The following MPDZ variants were observed in gnomAD, a reference collection of about 807,000 sequenced individuals.
MPDZ encodes the protein multiple PDZ domain protein.
Under a neutral mutation model 239.1 loss-of-function variants are expected in MPDZ, and 234 were observed. The ratio of observed to expected loss-of-function variants is 0.98; its 90% CI spans 0.88 to 1.09. MPDZ has a LOEUF of 1.09. Among genes scored for constraint, MPDZ ranks in the 50% least tolerant of loss-of-function variants. The pLI is 0.00. For missense variants in MPDZ, 3,175 were observed against 2,510.0 expected, an observed-to-expected ratio of 1.26 and a Z score of -5.66; for synonymous variants, 1,048 against 881.3, an observed-to-expected ratio of 1.19 and a Z score of -3.35.
At chr9:13,129,456 C>A (rs1316930397) in intron 32 of MPDZ, among the ~76,000 whole-genome samples, 1 of 150,920 alleles carries the variant, frequency 6.6e-6, no homozygotes, top group East Asian at 1.9e-4. Flanking sequence ...GAGTGAGACT[C>A]AGTCTCAAAA....
intron 16 of MPDZ, 130 bp from the exon 17 acceptor site, chr9:13,189,123 T>C: frequency 1.3e-6 from 1 of 744,670 alleles, no homozygotes; most frequent in East Asian, 2.7e-5. Flanking sequence ...CCAAAAAAAA[T>C]CCATACAAAA....
chr9:13,156,485 A>C (rs1949831325), intron 24 of MPDZ, among the ~76,000 whole-genome samples: 1 of 152,204 alleles, frequency 6.6e-6, no homozygotes, highest in African/African-American at 2.4e-5. Flanking sequence ...CAGCAGGCAA[A>C]TAAAAGAGCT....
Position 13,174,278 on chromosome 9 carries a change from T to G in MPDZ, c.3055+1474A>C, listed in dbSNP as rs1437666793. On this transcript the variant is annotated intron_variant, in intron 21 of 46. Transcript: ENST00000319217. The stretch of plus-strand genomic sequence containing the variant: ...TTTAATGCCTTTAGGATTTTAAATG[T>G]CAATTAGCTTACTCTCTTAAACTTG... Among the ~76,000 whole-genome samples the G allele has an allele frequency of 2.0e-5, 3 of 152,164 alleles. No homozygotes were observed. In the East Asian group the frequency reaches 5.8e-4, roughly 29 times the overall value.
At chr9:13,256,612 G>C (rs879403764) in intron 1 of MPDZ, among the ~76,000 whole-genome samples, 1 of 152,170 alleles carries the variant, frequency 6.6e-6, no homozygotes, top group Non-Finnish European at 1.5e-5. Context: ...AAAAGAATGC[G>C]AACGGCCCGT....
chr9:13,123,992 A>T (rs1361755825), intron 35 of MPDZ, among the ~76,000 whole-genome samples: 3 of 152,230 alleles, frequency 2.0e-5, no homozygotes, highest in Non-Finnish European at 4.4e-5. Context: ...AATTTCACAC[A>T]TTATTTTATC....
intron 21 of MPDZ, among the ~76,000 whole-genome samples, chr9:13,171,048 C>T (rs896761329): frequency 1.3e-5 from 2 of 152,118 alleles, no homozygotes; most frequent in Non-Finnish European, 2.9e-5. Context: ...TTCCAATCAG[C>T]ACAAGCTTGC....
intron 10 of MPDZ, among the ~76,000 whole-genome samples, chr9:13,206,635 C>T (rs1422459848): frequency 6.6e-6 from 1 of 151,878 alleles, no homozygotes; most frequent in Non-Finnish European, 1.5e-5. Flanking sequence ...CCTCCACCTC[C>T]CAGGTGCAAG....
At chr9:13,217,921 C>A (rs989690800) in intron 8 of MPDZ, among the ~76,000 whole-genome samples, 31 of 151,746 alleles carry the variant, frequency 2.0e-4, no homozygotes, top group African/African-American at 6.8e-4. Flanking sequence ...AGAGTTGTTA[C>A]AAATTCTATG....
chr9:13,230,532 C>T (rs185336344), intron 3 of MPDZ, among the ~76,000 whole-genome samples: 1 of 152,186 alleles, frequency 6.6e-6, no homozygotes, highest in East Asian at 1.9e-4. Flanking sequence ...AGGTCACATA[C>T]ATTATGATTT....
At chr9:13,141,096 C>T (rs940813377) in intron 27 of MPDZ, among the ~76,000 whole-genome samples, 9 of 100,208 alleles carry the variant, frequency 9.0e-5, no homozygotes, top group Middle Eastern at 4.9e-3. Flanking sequence ...GGTCCTATTT[C>T]GAAAAAAAAA....
intron 12 of MPDZ, among the ~76,000 whole-genome samples, chr9:13,197,844 G>A (rs1265604828): frequency 4.0e-5 from 6 of 151,896 alleles, no homozygotes; most frequent in South Asian, 2.1e-4. Context: ...GAGATCATGC[G>A]GTATGTGTCT....
intron 1 of MPDZ, among the ~76,000 whole-genome samples, chr9:13,269,290 T>C (rs913639349): frequency 6.6e-6 from 1 of 152,186 alleles, no homozygotes; most frequent in Non-Finnish European, 1.5e-5. Flanking sequence ...TATGGTTATA[T>C]TCCTTTTGGA....
intron 39 of MPDZ, among the ~76,000 whole-genome samples, chr9:13,116,546 G>C (rs1212424048): frequency 1.3e-5 from 2 of 151,960 alleles, no homozygotes; most frequent in South Asian, 2.1e-4. Context: ...CCATAAGTTG[G>C]TTTTTTTATT....
chr9:13,216,649 C>T, intron 10 of MPDZ, 125 bp downstream of exon 10: 1 of 603,480 alleles, frequency 1.7e-6, no homozygotes, highest in Non-Finnish European at 2.8e-6. Flanking sequence ...TAATAATAGC[C>T]TCAAGTCACC....
chr9:13,193,311 C>G lies in MPDZ; in HGVS notation c.1659G>C (p.Val553=). The G allele has an allele frequency of 6.3e-7, 1 of 1,579,516 alleles. No individual in the cohort carries two copies. Among genetic ancestry groups the G allele is most frequent in the Non-Finnish European group, 8.6e-7 (1 of 1,165,330 alleles). ...RIMGINYEIV[V]AHVSKFSENS... is the part of the protein sequence containing the mutation. Reference sequence around the variant, plus strand: ...TCTCACTAAACTTGCTCACATGGGCCACCTGAAAAGAAAAAAAAAAAGATC... The same window carrying G: ...TCTCACTAAACTTGCTCACATGGGCGACCTGAAAAGAAAAAAAAAAAGATC... Residue 553 remains valine (V), a splice_region_variant and synonymous_variant, in exon 14 of 47, where the codon GTG becomes GTC. Coordinates refer to ENST00000319217, the MANE Select transcript of MPDZ (RefSeq NM_001378778.1).
intron 44 of MPDZ, 91 bp from the exon 45 acceptor site, chr9:13,110,155 T>C (rs999387097): frequency 1.8e-5 from 15 of 823,402 alleles, no homozygotes; most frequent in East Asian, 5.3e-5. Flanking sequence ...TGGATTAAAA[T>C]GTATATTTTA....
At chr9:13,133,236 A>G (rs1352794200) in intron 32 of MPDZ, among the ~76,000 whole-genome samples, 2 of 152,198 alleles carry the variant, frequency 1.3e-5, no homozygotes, top group Non-Finnish European at 2.9e-5. Context: ...AAATGGCAAT[A>G]GAATGAGGGA....
chr9:13,112,837 G>A (rs1281252288), intron 42 of MPDZ, among the ~76,000 whole-genome samples, 174 bp downstream of exon 42: 1 of 152,162 alleles, frequency 6.6e-6, no homozygotes, highest in Non-Finnish European at 1.5e-5. Context: ...CAAATGAGGT[G>A]CTGTGATCAG....
At chr9:13,109,516 C>T (rs976388032) in intron 45 of MPDZ, among the ~76,000 whole-genome samples, 3 of 152,180 alleles carry the variant, frequency 2.0e-5, no homozygotes, top group African/African-American at 7.2e-5. Context: ...CTCTTCTCCT[C>T]TGTTTTCCAA....
Sources: allele counts gnomAD v4.1 joint callset (sites outside exome capture counted in the v4.1 genomes callset), GRCh38; gene constraint gnomAD v4.1.1; transcripts MANE v1.5; gene names NCBI Gene and HGNC (gene_info 2026-07-23, HGNC 2026-07-21).